Variants in ZNF423 observed in about 807,000 individuals in gnomAD.
ZNF423 encodes the protein zinc finger protein 423.
A neutral mutation model predicts 95.8 loss-of-function variants in ZNF423; 12 were observed. The ratio of observed to expected loss-of-function variants is 0.13; its 90% confidence interval spans 0.08 to 0.20. ZNF423 has a LOEUF of 0.20. Ranked by LOEUF, ZNF423 falls within the 10% of genes least tolerant of loss-of-function variation. ZNF423 has a pLI of 1.00. For synonymous variants in ZNF423, 749 were observed against 711.9 expected (o/e 1.05, Z -0.83); for missense variants, 1,316 against 1,737.1 (o/e 0.76, Z 4.31).
chr16:49,601,648 A>C (rs1330024492), intron 5 of ZNF423, among the ~76,000 whole-genome samples: 1 of 152,182 alleles, frequency 6.6e-6, no homozygotes, highest in Non-Finnish European at 1.5e-5. Flanking sequence ...CTCTCTGTAA[A>C]CATGCAACGT....
chr16:49,800,248 A>G, intron 1 of ZNF423, among the ~76,000 whole-genome samples: 1 of 152,028 alleles, frequency 6.6e-6, no homozygotes, highest in African/African-American at 2.4e-5. Context: ...TGTCTCAAAA[A>G]AAAAAAAAAA....
At chr16:49,839,089 C>T (rs1486932029) in intron 1 of ZNF423, among the ~76,000 whole-genome samples, 2 of 149,988 alleles carry the variant, frequency 1.3e-5, no homozygotes, top group African/African-American at 4.9e-5. Flanking sequence ...CCAACTGCCA[C>T]CCCACCCTGG....
chr16:49,710,305 G>A (rs909394787), intron 3 of ZNF423, among the ~76,000 whole-genome samples: 1 of 152,158 alleles, frequency 6.6e-6, no homozygotes, highest in Non-Finnish European at 1.5e-5. Flanking sequence ...TGCCTCCATA[G>A]TTGGCCTATC....
intron 7 of ZNF423, among the ~76,000 whole-genome samples, chr16:49,511,913 G>C (rs191538559): frequency 3.4e-4 from 52 of 152,278 alleles, no homozygotes; most frequent in Admixed American, 2.2e-3. Flanking sequence ...CAAAGCTCAG[G>C]CTCCACAGTG....
intron 3 of ZNF423, among the ~76,000 whole-genome samples, chr16:49,686,551 C>T (rs112034214): frequency 6.6e-6 from 1 of 152,162 alleles, no homozygotes; most frequent in African/African-American, 2.4e-5. Flanking sequence ...GGATGCAGGT[C>T]CCCTGTCAGT....
chr16:49,553,977 C>G (rs925258960), intron 5 of ZNF423, among the ~76,000 whole-genome samples: 1 of 152,216 alleles, frequency 6.6e-6, no homozygotes, highest in Non-Finnish European at 1.5e-5. Flanking sequence ...CAGCCCAACA[C>G]AGTCCCGCCT....
At chr16:49,607,718 G>A (rs1971583701) in intron 5 of ZNF423, among the ~76,000 whole-genome samples, 1 of 152,214 alleles carries the variant, frequency 6.6e-6, no homozygotes, top group Non-Finnish European at 1.5e-5. Context: ...TGCATTTGAT[G>A]CTTCAAAAAC....
intron 5 of ZNF423, among the ~76,000 whole-genome samples, chr16:49,605,139 G>T (rs960053894): frequency 1.5e-4 from 23 of 152,078 alleles, no homozygotes; most frequent in African/African-American, 7.2e-5. Context: ...CAGCTCCCAG[G>T]TTCCCACCGA....
intron 7 of ZNF423, among the ~76,000 whole-genome samples, chr16:49,519,499 TC>T: frequency 6.6e-6 from 1 of 152,206 alleles, no homozygotes; most frequent in East Asian, 1.9e-4. Context: ...CACTTGCCCT[TC>T]CCTAATGACT....
chr16:49,669,110 A>G (rs1304068649), intron 3 of ZNF423, among the ~76,000 whole-genome samples: 2 of 152,008 alleles, frequency 1.3e-5, no homozygotes, highest in Non-Finnish European at 2.9e-5. Flanking sequence ...CAGGCAGATC[A>G]CCTGAGGTCA....
At chr16:49,507,884 G>A (rs1967709740) in intron 7 of ZNF423, among the ~76,000 whole-genome samples, 1 of 152,210 alleles carries the variant, frequency 6.6e-6, no homozygotes, top group African/African-American at 2.4e-5. Flanking sequence ...CCAGTTGTGG[G>A]CTGTGTTGAA....
chr16:49,791,480 T>C (rs1320314971), intron 1 of ZNF423, among the ~76,000 whole-genome samples: 1 of 152,184 alleles, frequency 6.6e-6, no homozygotes, highest in East Asian at 1.9e-4. Flanking sequence ...ATCTTTTACT[T>C]ACACGCACAC....
At chr16:49,522,014 T>C (rs898301410) in intron 7 of ZNF423, among the ~76,000 whole-genome samples, 1 of 152,226 alleles carries the variant, frequency 6.6e-6, no homozygotes, top group Non-Finnish European at 1.5e-5. Flanking sequence ...TGTGCCCCTC[T>C]AACCCCAGAG....
rs1274840312 is a variant in ZNF423, at chr16:49,492,809, C to T, written c.3850-1505G>A. 6.6e-6 allele frequency among the ~76,000 whole-genome samples: 1 copy of T among 152,106 alleles called. No individual in the cohort carries two copies. Among genetic ancestry groups the T allele is most frequent in the Admixed American group, 6.5e-5 (1 of 15,280 alleles). On this transcript the variant is annotated intron_variant, in intron 7 of 7. Transcript: ENST00000563137. The surrounding 1 kb of genome is among the most constrained non-coding windows in gnomAD (Gnocchi z 4.2). Reference sequence around the variant, plus strand: ...GTGGGACTTCTTAAGATGAAGACACCGAGGCCTAGGAAGGCAAAAATTACA... The same window carrying T: ...GTGGGACTTCTTAAGATGAAGACACTGAGGCCTAGGAAGGCAAAAATTACA...
chr16:49,818,447 T>C (rs1022514464), intron 1 of ZNF423, among the ~76,000 whole-genome samples: 2 of 152,174 alleles, frequency 1.3e-5, no homozygotes, highest in Admixed American at 6.5e-5. Flanking sequence ...TGGTGGTGCA[T>C]GCATATAGTC....
chr16:49,755,298 GC>G (rs1455368428), intron 2 of ZNF423, among the ~76,000 whole-genome samples: 1 of 152,134 alleles, frequency 6.6e-6, no homozygotes, highest in Non-Finnish European at 1.5e-5. Context: ...CATTAACCGA[GC>G]CCACCAGAAC....
At chr16:49,562,464 G>A (rs1970050492) in intron 5 of ZNF423, among the ~76,000 whole-genome samples, 1 of 152,216 alleles carries the variant, frequency 6.6e-6, no homozygotes, top group Admixed American at 6.5e-5. Flanking sequence ...CCGATGGGTG[G>A]CAGCTGTTAA....
rs1173822448 is a variant in ZNF423, at chr16:49,638,722, C to T, written c.454G>A (p.Asp152Asn). Residue 152 changes from aspartate to asparagine, a missense_variant, in exon 4 of 8, where the codon GAC (aspartate) becomes AAC (asparagine). Asp to Asn is a conservative substitution (Grantham distance 23, BLOSUM62 1). This residue lies in a region of ZNF423 where 58 missense variants were observed against 116.9 expected (regional missense o/e 0.50). Coordinates refer to ENST00000563137, the MANE Select transcript of ZNF423 (RefSeq NM_001379286.1). The surrounding 1 kb of genome is among the most constrained non-coding windows in gnomAD (Gnocchi z 5.6). ...TAGCTCAAGCGGATGAAGGACTTGT[C>T]GCAGAACTGGCAAGGGTATGGCAGG... ...TGLPYPCQFCDKSFIRLSYLK... is the reference protein window; with the variant it reads ...TGLPYPCQFCNKSFIRLSYLK... 17 of 1,614,138 alleles carry T rather than the reference C, an allele frequency of 1.1e-5. No individual in the cohort carries two copies. The highest frequency in any genetic ancestry group is 1.3e-5 in the Non-Finnish European group (15 of 1,180,052).
chr16:49,615,128 T>TCACACACACACACACACACACACACA (rs557190259), intron 5 of ZNF423, among the ~76,000 whole-genome samples: 2 of 98,452 alleles, frequency 2.0e-5, no homozygotes, highest in African/African-American at 7.4e-5. Flanking sequence ...AGAAACTCCA[T>TCACACACACACACACACACACACACA]CTCACACACA....
Sources: gnomAD v4.1 joint callset for allele counts (sites outside exome capture counted in the v4.1 genomes callset) on GRCh38, gnomAD v4.1.1 for gene constraint, gnomAD v4.1.1 regional missense constraint, Gnocchi (gnomAD v3.1) non-coding constraint, MANE v1.5 for transcripts, NCBI Gene and HGNC (gene_info 2026-07-23, HGNC 2026-07-21) for gene names.